Variants in SYNPR observed in about 807,000 individuals in gnomAD.
The protein encoded by SYNPR is synaptoporin.
A neutral mutation model predicts 32.9 loss-of-function variants in SYNPR; 23 were observed. That is an observed-to-expected ratio of 0.70 (90% confidence interval 0.50 to 0.99). SYNPR has a LOEUF of 0.99. SYNPR is among the 50% of genes least tolerant of loss of function. The pLI is 0.00. For synonymous variants in SYNPR, 146 were observed against 135.9 expected, an observed-to-expected ratio of 1.07 and a Z score of -0.52; for missense variants, 318 against 349.3, an observed-to-expected ratio of 0.91 and a Z score of 0.71.
At chr3:63,385,977 G>A (rs1178438906) in intron 2 of SYNPR, among the ~76,000 whole-genome samples, 2 of 152,194 alleles carry the variant, frequency 1.3e-5, no homozygotes, top group African/African-American at 4.8e-5. Flanking sequence ...TGCTAGAAAA[G>A]TGTTGAATTA....
In SYNPR at chr3:63,507,445, A is replaced by G. The variant is rs991955738; in HGVS notation, c.209+26489A>G. Among the ~76,000 whole-genome samples the G allele has an allele frequency of 3.9e-5, 6 of 152,296 alleles. No homozygotes were observed. In the East Asian group the frequency reaches 1.2e-3, roughly 29 times the overall value. ...GTAACAGACAATCTGTGAAGTACTC[A>G]TATGTTCCGAGAAGTAACGTGTAAG... On this transcript the variant is annotated intron_variant, in intron 3 of 5. Coordinates refer to ENST00000478300, the MANE Select transcript of SYNPR (RefSeq NM_001130003.2).
At chr3:63,253,122 T>C (rs945922445) in intron 2 of SYNPR, among the ~76,000 whole-genome samples, 4 of 152,068 alleles carry the variant, frequency 2.6e-5, no homozygotes, top group East Asian at 1.9e-4. Context: ...AGTCCATTTA[T>C]AGAACTGTTT....
At chr3:63,254,489 C>G (rs2086365080) in intron 2 of SYNPR, among the ~76,000 whole-genome samples, 1 of 152,014 alleles carries the variant, frequency 6.6e-6, no homozygotes, top group Non-Finnish European at 1.5e-5. Context: ...ATTATTTTAT[C>G]AAAATTGTTT....
chr3:63,530,373 T>A (rs1356824068), intron 3 of SYNPR, among the ~76,000 whole-genome samples: 3 of 151,852 alleles, frequency 2.0e-5, no homozygotes, highest in African/African-American at 7.3e-5. Flanking sequence ...GACTAGGGAG[T>A]TGTGTTCAAG....
At chr3:63,494,456 T>TAC (rs1701326359) in intron 3 of SYNPR, among the ~76,000 whole-genome samples, 1 of 139,230 alleles carries the variant, frequency 7.2e-6, no homozygotes, top group Non-Finnish European at 1.5e-5. Flanking sequence ...TACACATATA[T>TAC]ATACATATAT....
the SYNPR span, among the ~76,000 whole-genome samples, chr3:63,205,751 G>A: frequency 7.2e-5 from 11 of 152,280 alleles, no homozygotes; most frequent in African/African-American, 2.4e-4. Flanking sequence ...CTGTACGCAC[G>A]ATAGCGCTCT....
rs141761438 is a variant in SYNPR, at chr3:63,553,607, C to T, written c.210-2936C>T. 1.8e-4 allele frequency among the ~76,000 whole-genome samples: 28 copies of T among 152,274 alleles called. No homozygotes were observed. In the East Asian group the frequency reaches 5.4e-3, roughly 29 times the overall value. On this transcript the variant is annotated intron_variant, in intron 3 of 5. Transcript: ENST00000478300. ...GGTTTTGACTTTTTAAGAATAGCCA[C>T]CCTGACTGGTGTGAGATATTATCTC... is the stretch of plus-strand genomic sequence containing the variant.
At chr3:63,566,410 TTA>T (rs532539010) in intron 4 of SYNPR, among the ~76,000 whole-genome samples, 48 of 152,314 alleles carry the variant, frequency 3.2e-4, no homozygotes, top group African/African-American at 1.0e-3. Context: ...AAATTTCATG[TTA>T]TGTTTCCTTT....
At position 63,254,560 on chromosome 3, in the gene SYNPR, G is replaced by C. The variant is rs144829033; in HGVS notation, n.154+1974G>C. The stretch of plus-strand genomic sequence containing the variant: ...TGAAAATTTATTGAGCACTGAGTAC[G>C]TGTTAGACCAAGGTTTTAGACAAGG... On this transcript the variant is annotated intron_variant and non_coding_transcript_variant, in intron 2 of 4. Transcript: ENST00000478456. 3.0e-3 allele frequency among the ~76,000 whole-genome samples: 453 copies of C among 152,242 alleles called. 6 individuals carry two copies. The highest frequency in any genetic ancestry group is 0.011 in the African/African-American group (437 of 41,538).
chr3:63,348,735 C>A (rs151021688), intron 2 of SYNPR, among the ~76,000 whole-genome samples: 1 of 152,266 alleles, frequency 6.6e-6, no homozygotes, highest in East Asian at 1.9e-4. Context: ...CAATTTTATT[C>A]TTCTGCATGT....
intron 1 of SYNPR, among the ~76,000 whole-genome samples, chr3:63,235,854 CA>C (rs1181166986): frequency 6.6e-6 from 1 of 152,010 alleles, no homozygotes; most frequent in Non-Finnish European, 1.5e-5. Flanking sequence ...TTTAACAGAT[CA>C]AAAGTTTTTC....
At position 63,410,814 on chromosome 3, in the gene SYNPR, C is replaced by A. The variant is rs542903853; in HGVS notation, c.85-70018C>A. Among the ~76,000 whole-genome samples, 6 of 152,206 alleles carry A rather than the reference C, an allele frequency of 3.9e-5. No homozygotes were observed. The East Asian group carries it at 1.2e-3, about 29-fold the overall frequency. ...TGGTATCTACTTAGCTGGTGAGGGG[C>A]AGCAGAAGCCCCTGACTTTGAGGAG... On this transcript the variant is annotated intron_variant, in intron 2 of 5. Coordinates refer to ENST00000478300, the MANE Select transcript of SYNPR (RefSeq NM_001130003.2).
chr3:63,504,928 G>A (rs1701558139), intron 3 of SYNPR, among the ~76,000 whole-genome samples: 1 of 152,120 alleles, frequency 6.6e-6, no homozygotes, highest in South Asian at 2.1e-4. Flanking sequence ...TAAAAAGAGA[G>A]CAAATCAGAG....
At chr3:63,525,059 T>C (rs960080094) in intron 3 of SYNPR, among the ~76,000 whole-genome samples, 2 of 152,136 alleles carry the variant, frequency 1.3e-5, no homozygotes, top group Non-Finnish European at 2.9e-5. Context: ...AAATGCACCC[T>C]GGGAATACAT....
At chr3:63,270,737 A>T (rs1213785707) in intron 3 of SYNPR, among the ~76,000 whole-genome samples, 2 of 152,194 alleles carry the variant, frequency 1.3e-5, no homozygotes, top group African/African-American at 4.8e-5. Context: ...TAACTACTTC[A>T]TAGTGTTATA....
At chr3:63,323,301 G>A (rs548863036) in intron 2 of SYNPR, among the ~76,000 whole-genome samples, 3 of 152,116 alleles carry the variant, frequency 2.0e-5, no homozygotes, top group African/African-American at 7.2e-5. Context: ...CTTTCCAATG[G>A]AAAGCCAACC....
Position 63,609,211 on chromosome 3 carries a change from A to C in SYNPR, c.495A>C (p.Ala165=). ...WAKGLSDVKV[A]TDPKEVLLLM... ...AAGGACTGTCTGACGTCAAAGTTGC[A>C]ACGGATCCCAAGGAAGTATTGCTAC... Residue 165 remains alanine (A), a synonymous_variant, in exon 5 of 6, where the codon GCA becomes GCC. Coordinates refer to ENST00000478300, the MANE Select transcript of SYNPR (RefSeq NM_001130003.2). 6.2e-7 allele frequency: 1 copy of C among 1,610,158 alleles called. No homozygotes were observed. The highest frequency in any genetic ancestry group is 8.5e-7 in the Non-Finnish European group (1 of 1,178,126).
intron 2 of SYNPR, among the ~76,000 whole-genome samples, chr3:63,335,751 G>A (rs2087283754): frequency 7.2e-6 from 1 of 138,294 alleles, no homozygotes; most frequent in South Asian, 2.3e-4. Context: ...ACACACTCAA[G>A]TCCATATTAG....
intron 2 of SYNPR, among the ~76,000 whole-genome samples, chr3:63,455,756 G>GGGGTGTGTGTGTGTGTGT (rs1553637948): frequency 2.8e-5 from 4 of 144,282 alleles, no homozygotes; most frequent in Middle Eastern, 3.3e-3. Flanking sequence ...TCATGTTTGG[G>GGGGTGTGTGTGTGTGTGT]GTGTGTGTGT....
Sources: gnomAD v4.1 joint callset for allele counts (sites outside exome capture counted in the v4.1 genomes callset) on GRCh38, gnomAD v4.1.1 for gene constraint, MANE v1.5 for transcripts, NCBI Gene and HGNC (gene_info 2026-07-23, HGNC 2026-07-21) for gene names.